Variants in ADGRA2 observed in about 807,000 individuals in gnomAD.
ADGRA2 encodes G-protein coupled receptor 124.
Under a neutral mutation model 98.7 loss-of-function variants are expected in ADGRA2, and 61 were observed. That is an observed-to-expected ratio of 0.62 (90% CI 0.50 to 0.76). The LOEUF (loss-of-function observed/expected upper bound fraction) is 0.76. Ranked by LOEUF, ADGRA2 falls within the 30% of genes least tolerant of loss-of-function variation. The probability of loss-of-function intolerance (pLI) is 0.00; values close to 1 mark genes in which losing one functional copy is unlikely to be tolerated. For missense variants in ADGRA2, 1,712 were observed against 1,860.0 expected (o/e 0.92, Z 1.46); for synonymous variants, 858 against 831.5 (o/e 1.03, Z -0.55).
intron 13 of ADGRA2, 57 bp downstream of exon 13, chr8:37,835,827 C>T: frequency 8.9e-7 from 1 of 1,125,030 alleles, no homozygotes. Flanking sequence ...CCGCCCTGTT[C>T]CCCTTTATCC....
rs751880664 is a variant in ADGRA2 at position 37,841,404 on chromosome 8, G to A, written c.3066G>A (p.Leu1022=). ...LYSPGVQLGA[L]VTTHFLYLAM... ...CTCCGGGAGTCCAGCTAGGGGCGCT[G>A]GTGACCACGCACTTCCTGTACTTGG... The change falls in exon 19 of 19, where the codon CTG becomes CTA. Residue 1022 remains leucine (L), a synonymous_variant. Coordinates refer to ENST00000412232, the MANE Select transcript of ADGRA2 (RefSeq NM_032777.10). The surrounding 1 kb of genome is among the most constrained non-coding windows in gnomAD (Gnocchi z 5.0). The A allele has an allele frequency of 6.2e-7, 1 of 1,612,776 alleles. No individual in the cohort carries two copies. Among genetic ancestry groups the A allele is most frequent in the East Asian group, 2.2e-5 (1 of 44,850 alleles).
intron 1 of ADGRA2, among the ~76,000 whole-genome samples, chr8:37,813,465 C>T (rs1004936208): frequency 1.3e-5 from 2 of 152,140 alleles, no homozygotes; most frequent in African/African-American, 4.8e-5. Flanking sequence ...TCCCATATAA[C>T]GACTACTGTG....
At chr8:37,807,217 A>T (rs576633172) in intron 1 of ADGRA2, among the ~76,000 whole-genome samples, 1 of 152,328 alleles carries the variant, frequency 6.6e-6, no homozygotes, top group South Asian at 2.1e-4. Flanking sequence ...GAGCGGGCAG[A>T]ACACCTTACA....
chr8:37,837,457 A>G (rs1489037384), intron 13 of ADGRA2, among the ~76,000 whole-genome samples: 1 of 147,516 alleles, frequency 6.8e-6, no homozygotes, highest in Non-Finnish European at 1.5e-5. Flanking sequence ...AGTCCTCACC[A>G]TGGAGCATGA....
intron 1 of ADGRA2, among the ~76,000 whole-genome samples, chr8:37,803,597 C>G (rs1365201643): frequency 6.6e-6 from 1 of 152,188 alleles, no homozygotes; most frequent in African/African-American, 2.4e-5. Flanking sequence ...GGCCCCCATC[C>G]TTCCCAAACT....
Position 37,835,215 on chromosome 8 carries a change from G to A in ADGRA2, c.1650G>A (p.Pro550=), listed in dbSNP as rs561451865. 1.7e-5 allele frequency: 27 copies of A among 1,613,874 alleles called. No individual in the cohort carries two copies. The East Asian group carries it at 3.1e-4, about 19-fold the overall frequency. ...NVALEAYLIK[P]HSYVGLTCTA... is the part of the protein sequence containing the mutation. ...CATTGGAGGCCTACCTCATCAAGCC[G>A]CACAGCTACGTGGGCCTGACCTGCA... is the stretch of plus-strand genomic sequence containing the variant. Residue 550 remains proline (P), a synonymous_variant, in exon 12 of 19, where the codon CCG becomes CCA. Transcript: ENST00000412232.
intron 5 of ADGRA2, 119 bp from the exon 6 acceptor site, chr8:37,829,732 C>T: frequency 9.2e-7 from 1 of 1,092,626 alleles, no homozygotes; most frequent in African/African-American, 1.5e-5. Flanking sequence ...AGATGGTGCA[C>T]ATAGACCCGA....
chr8:37,831,338 C>T (rs1174852161), intron 7 of ADGRA2, 85 bp from the exon 8 acceptor site: 2 of 1,254,054 alleles, frequency 1.6e-6, no homozygotes, highest in Admixed American at 3.9e-5. Flanking sequence ...GGACCTGCAG[C>T]TAGTGTTGTA....
intron 8 of ADGRA2, 77 bp from the exon 9 acceptor site, chr8:37,832,933 C>T: frequency 8.6e-7 from 1 of 1,162,406 alleles, no homozygotes; most frequent in Non-Finnish European, 1.3e-6. Flanking sequence ...AGTCCGGCCT[C>T]ACCGTTCTAA....
intron 1 of ADGRA2, among the ~76,000 whole-genome samples, chr8:37,798,783 T>G (rs1585958493): frequency 1.3e-5 from 2 of 152,232 alleles, no homozygotes; most frequent in South Asian, 4.1e-4. Flanking sequence ...ACACAACTGG[T>G]CAGCCTCTGA....
At chr8:37,803,242 A>T (rs1007050097) in intron 1 of ADGRA2, among the ~76,000 whole-genome samples, 1 of 152,196 alleles carries the variant, frequency 6.6e-6, no homozygotes, top group Admixed American at 6.5e-5. Flanking sequence ...CTCTGAGTTG[A>T]TCGCTGTCCT....
rs1563334535 is a variant in ADGRA2, at chr8:37,797,448, C to T, written c.180C>T (p.Gly60=). 12 of 1,413,808 alleles carry T rather than the reference C, an allele frequency of 8.5e-6. No individual in the cohort carries two copies. The highest frequency in any genetic ancestry group is 1.0e-5 in the Non-Finnish European group (11 of 1,082,778). 87.6% of individuals were successfully genotyped at this position (1,413,808 alleles called of 1,614,324 possible). A position where few individuals can be genotyped will look rare whatever the true frequency, so the allele number is the denominator to read the frequency against. The change falls in exon 1 of 19, where the codon GGC becomes GGT. Residue 60 remains glycine (G), a synonymous_variant. Coordinates refer to ENST00000412232, the MANE Select transcript of ADGRA2 (RefSeq NM_032777.10). This position sits in a 1 kb window ranked among gnomAD's most constrained non-coding sequence, Gnocchi z 5.3. ...RPKGLSGGVP[G]PARRRVVCSG... is the part of the protein sequence containing the mutation. ...AGGGGCTGAGCGGCGGCGTCCCTGG[C>T]CCGGCTCGGCGGAGGGTGGTGTGCA...
chr8:37,830,863 A>G lies in ADGRA2; in HGVS notation c.872A>G (p.Asp291Gly), dbSNP rs748600527. ...CACAACCGAGCCCCTGTGGAGGGTG[A>G]TGAGCAGGCGGGCATCCTCCTGGCC... ...WYHNRAPVEG[D>G]EQAGILLAES... The change falls in exon 7 of 19, where the codon GAT becomes GGT. Residue 291 changes from aspartate to glycine, a missense_variant. By Grantham distance (94) the Asp-to-Gly change is moderately conservative. Coordinates refer to ENST00000412232, the MANE Select transcript of ADGRA2 (RefSeq NM_032777.10). The surrounding 1 kb of genome is among the most constrained non-coding windows in gnomAD (Gnocchi z 4.8). 7 of 1,595,154 alleles carry G rather than the reference A, an allele frequency of 4.4e-6. No individual in the cohort carries two copies. The highest frequency in any genetic ancestry group is 1.1e-5 in the South Asian group (1 of 87,942).
Position 37,829,525 on chromosome 8 carries a change from G to A in ADGRA2, c.520G>A (p.Gly174Arg), listed in dbSNP as rs1430612172. The A allele has an allele frequency of 6.2e-7, 1 of 1,613,482 alleles. No individual in the cohort carries two copies. Among genetic ancestry groups the A allele is most frequent in the Non-Finnish European group, 8.5e-7 (1 of 1,179,552 alleles). Residue 174 changes from glycine (G) to arginine (R), a missense_variant, in exon 5 of 19, where the codon GGG (glycine) becomes AGG (arginine). By Grantham distance (125) the Gly-to-Arg change is moderately radical. Transcript: ENST00000412232. Reference protein sequence around the residue: ...SGNIFSSLQPGVFDELPALKV... With the variant: ...SGNIFSSLQPRVFDELPALKV... Reference sequence around the variant, plus strand: ...AAACATCTTCTCCAGTCTGCAACCTGGGGTCTTTGATGAGCTGCCAGCCCT... The same window carrying A: ...AAACATCTTCTCCAGTCTGCAACCTAGGGTCTTTGATGAGCTGCCAGCCCT...
At chr8:37,840,298 G>C in intron 17 of ADGRA2, 32 bp downstream of exon 17, 1 of 1,606,586 alleles carries the variant, frequency 6.2e-7, no homozygotes, top group Non-Finnish European at 8.5e-7. Flanking sequence ...TTTGCAATTG[G>C]GGAGGGACTC....
chr8:37,827,796 C>T (rs1032111341), intron 2 of ADGRA2, among the ~76,000 whole-genome samples: 2 of 152,092 alleles, frequency 1.3e-5, no homozygotes, highest in African/African-American at 2.4e-5. Context: ...CCTGTTTCCT[C>T]GCCTGTCAGA....
chr8:37,829,467 G>A (rs755453177), intron 4 of ADGRA2, 21 bp from the exon 5 acceptor site: 1 of 1,607,314 alleles, frequency 6.2e-7, no homozygotes, highest in Non-Finnish European at 8.5e-7. Context: ...CCCCATCTCA[G>A]TTGTCCCCTG....
In ADGRA2 at chr8:37,814,032, G is replaced by A. The variant is rs1804913895; in HGVS notation, c.267-864G>A. Among the ~76,000 whole-genome samples, 1 of 152,200 alleles carries A rather than the reference G, an allele frequency of 6.6e-6. No individual in the cohort carries two copies. Among genetic ancestry groups the A allele is most frequent in the Admixed American group, 6.5e-5 (1 of 15,276 alleles). On this transcript the variant is annotated intron_variant, in intron 1 of 18. Transcript: ENST00000412232. The surrounding 1 kb of genome is among the most constrained non-coding windows in gnomAD (Gnocchi z 4.3). ...AGGGAGACCCTTTGCCTCAGCCCAG[G>A]GCAGGCAAGAGTTTGGGCGGAGAGG... is the stretch of plus-strand genomic sequence containing the variant.
At position 37,842,020 on chromosome 8, in the gene ADGRA2, G is replaced by A; in HGVS notation, c.3682G>A (p.Asp1228Asn). ...CGGCAGTCTGCACAACAGCCCCACC[G>A]ACAGCTACCTGGGCAGCAGCCGCAA... ...ESGSLHNSPT[D>N]SYLGSSRNSP... Residue 1228 changes from aspartate to asparagine, a missense_variant, in exon 19 of 19, where the codon GAC becomes AAC. Asp to Asn is a conservative substitution (Grantham distance 23, BLOSUM62 1). Transcript: ENST00000412232. The A allele has an allele frequency of 2.0e-6, 3 of 1,519,600 alleles. No individual in the cohort carries two copies. The highest frequency in any genetic ancestry group is 2.6e-6 in the Non-Finnish European group (3 of 1,141,046). The allele number at this position is 1,519,600 out of a possible 1,614,324, so 94.1% of individuals were successfully genotyped here.
Sources: gnomAD v4.1 joint callset for allele counts (sites outside exome capture counted in the v4.1 genomes callset) on GRCh38, gnomAD v4.1.1 for gene constraint, Gnocchi (gnomAD v3.1) non-coding constraint, MANE v1.5 for transcripts, NCBI Gene and HGNC (gene_info 2026-07-23, HGNC 2026-07-21) for gene names.